Variants in KLHL29 observed in about 807,000 individuals in gnomAD.
KLHL29 encodes the protein kelch like family member 29.
In KLHL29, 21 loss-of-function variants were observed where a neutral mutation model predicts 80.4. The observed-to-expected ratio is 0.26, with a 90% confidence interval of 0.19 to 0.38. The LOEUF (loss-of-function observed/expected upper bound fraction) is 0.38. Among genes scored for constraint, KLHL29 ranks in the 10% least tolerant of loss-of-function variants. KLHL29 has a pLI of 1.00. For synonymous variants in KLHL29, 511 were observed against 526.8 expected (o/e 0.97, Z 0.41); for missense variants, 867 against 1,223.9 (o/e 0.71, Z 4.35).
chr2:23,421,511 G>A (rs1051015758), intron 1 of KLHL29, among the ~76,000 whole-genome samples: 1 of 150,886 alleles, frequency 6.6e-6, no homozygotes, highest in Non-Finnish European at 1.5e-5. Flanking sequence ...CAGGAAGGAA[G>A]GTTTAGACAA....
At chr2:23,436,280 TTGTG>T (rs57931176) in intron 1 of KLHL29, among the ~76,000 whole-genome samples, 6,112 of 136,896 alleles carry the variant, frequency 0.045, 144 homozygotes, top group East Asian at 0.057. Context: ...CCAATCAGCT[TTGTG>T]TGTGTGTGTG....
At chr2:23,662,005 GTGAA>G (rs941681160) in intron 5 of KLHL29, among the ~76,000 whole-genome samples, 1 of 152,196 alleles carries the variant, frequency 6.6e-6, no homozygotes, top group African/African-American at 2.4e-5. Flanking sequence ...GAGTGTATGA[GTGAA>G]TGAATAGCTC....
rs1003351915 is a variant in KLHL29, at chr2:23,438,437, G to A, written c.-153-37123G>A. Among the ~76,000 whole-genome samples, 105 of 127,730 alleles carry A rather than the reference G, an allele frequency of 8.2e-4. 6 individuals carry two copies. The highest frequency in any genetic ancestry group is 7.7e-3 in the Middle Eastern group (2 of 260). The allele number at this position is 127,730 out of a possible 152,430, so 83.8% of individuals were successfully genotyped here. ...GTTTTTGCCCATTCGGTATGATATC[G>A]GCTGTGGGTTTGTCATAGATAGCTC... On this transcript the variant is annotated intron_variant, in intron 1 of 13. Transcript: ENST00000486442.
chr2:23,534,122 A>G (rs959100047), intron 2 of KLHL29, among the ~76,000 whole-genome samples: 2 of 152,122 alleles, frequency 1.3e-5, no homozygotes, highest in African/African-American at 4.8e-5. Context: ...CATCCCGCTG[A>G]GCAGCACCCA....
intron 1 of KLHL29, among the ~76,000 whole-genome samples, chr2:23,443,054 C>T (rs941634754): frequency 2.0e-5 from 3 of 152,162 alleles, no homozygotes; most frequent in Non-Finnish European, 4.4e-5. Flanking sequence ...GTAAGCTCCC[C>T]TTTCCCTTCC....
intron 2 of KLHL29, among the ~76,000 whole-genome samples, chr2:23,510,977 ATGC>A (rs1431331565): frequency 1.3e-5 from 2 of 152,212 alleles, no homozygotes; most frequent in Non-Finnish European, 2.9e-5. Flanking sequence ...TCTGCTGTGG[ATGC>A]TGTATTAGTT....
At chr2:23,476,883 A>G (rs1664656052) in intron 2 of KLHL29, among the ~76,000 whole-genome samples, 1 of 152,236 alleles carries the variant, frequency 6.6e-6, no homozygotes, top group Non-Finnish European at 1.5e-5. Flanking sequence ...GATCTGCTTT[A>G]GCCCCCACCA....
chr2:23,564,245 C>G lies in KLHL29; in HGVS notation c.285+1764C>G, dbSNP rs150405610. Reference sequence around the variant, plus strand: ...ACAGGGCTGTGCTGCCTGCAGAGCTCCCGCTTTGCTCCAGAGTGGCTTGAT... The same window carrying G: ...ACAGGGCTGTGCTGCCTGCAGAGCTGCCGCTTTGCTCCAGAGTGGCTTGAT... On this transcript the variant is annotated intron_variant, in intron 3 of 13. Coordinates refer to ENST00000486442, the MANE Select transcript of KLHL29 (RefSeq NM_052920.2). 7.4e-4 allele frequency among the ~76,000 whole-genome samples: 113 copies of G among 152,344 alleles called. 1 individual carries two copies. Among genetic ancestry groups the G allele is most frequent in the African/African-American group, 2.6e-3 (109 of 41,576 alleles).
intron 2 of KLHL29, among the ~76,000 whole-genome samples, chr2:23,511,194 C>A (rs893094437): frequency 1.3e-5 from 2 of 152,092 alleles, no homozygotes; most frequent in African/African-American, 4.8e-5. Flanking sequence ...GAGTCAAAAT[C>A]TTTAGGAGTG....
At chr2:23,593,253 A>G (rs1271467675) in intron 3 of KLHL29, among the ~76,000 whole-genome samples, 1 of 152,198 alleles carries the variant, frequency 6.6e-6, no homozygotes, top group Admixed American at 6.5e-5. Flanking sequence ...CTCAAAAATG[A>G]AGAAAATCAG....
intron 2 of KLHL29, among the ~76,000 whole-genome samples, chr2:23,518,568 C>T (rs1036638366): frequency 2.0e-5 from 3 of 152,194 alleles, no homozygotes; most frequent in Admixed American, 6.5e-5. Flanking sequence ...CCCCAGCTGT[C>T]CCCTCCGGGA....
chr2:23,529,230 C>T (rs1040396022), intron 2 of KLHL29, among the ~76,000 whole-genome samples: 2 of 152,218 alleles, frequency 1.3e-5, no homozygotes, highest in Non-Finnish European at 2.9e-5. Flanking sequence ...CAGCCTCAGC[C>T]TCCCAAGTAG....
intron 1 of KLHL29, among the ~76,000 whole-genome samples, chr2:23,441,940 A>G (rs959640310): frequency 6.6e-6 from 1 of 152,168 alleles, no homozygotes; most frequent in Non-Finnish European, 1.5e-5. Context: ...GAGCAGCATA[A>G]TGGTCTCCCA....
intron 3 of KLHL29, among the ~76,000 whole-genome samples, chr2:23,608,663 G>T (rs1668786012): frequency 6.6e-6 from 1 of 152,170 alleles, no homozygotes; most frequent in Non-Finnish European, 1.5e-5. Flanking sequence ...TTTTCTAAGT[G>T]CTGTGGGCCC....
intron 13 of KLHL29, among the ~76,000 whole-genome samples, chr2:23,704,672 C>T (rs1672604443): frequency 6.6e-6 from 1 of 152,082 alleles, no homozygotes; most frequent in South Asian, 2.1e-4. Context: ...GAAGCTGAGG[C>T]AGGAGAATCG....
rs11367628 is a variant in KLHL29, at chr2:23,597,296, C to T, written c.285+34815C>T. On this transcript the variant is annotated intron_variant, in intron 3 of 13. Coordinates refer to ENST00000486442, the MANE Select transcript of KLHL29 (RefSeq NM_052920.2). ...GCTCTCAATCTATCTCTCTCTCTCT[C>T]ATATATATATATATGTGTGTGTGTG... 6.9e-3 allele frequency among the ~76,000 whole-genome samples: 410 copies of T among 59,450 alleles called. 4 individuals are homozygous for T. The highest frequency in any genetic ancestry group is 9.8e-3 in the Middle Eastern group (1 of 102). The allele number at this position is 59,450 out of a possible 152,430, so 39.0% of individuals were successfully genotyped here.
intron 13 of KLHL29, 46 bp downstream of exon 13, chr2:23,703,909 G>T: frequency 6.6e-7 from 1 of 1,508,830 alleles, no homozygotes; most frequent in South Asian, 1.3e-5. Context: ...GGAGGAGTGG[G>T]AGGAGGAGGG....
chr2:23,473,404 A>G (rs879555809), intron 1 of KLHL29, among the ~76,000 whole-genome samples: 1 of 152,144 alleles, frequency 6.6e-6, no homozygotes, highest in Admixed American at 6.5e-5. Context: ...ACAGTCTATA[A>G]TAGCCAATGG....
chr2:23,620,407 A>G (rs971809500), intron 3 of KLHL29, among the ~76,000 whole-genome samples: 6 of 152,206 alleles, frequency 3.9e-5, no homozygotes, highest in Non-Finnish European at 7.4e-5. Flanking sequence ...CTTGGAGGTC[A>G]GGAGAAGGCA....
Sources: gnomAD v4.1 joint callset for allele counts (sites outside exome capture counted in the v4.1 genomes callset) on GRCh38, gnomAD v4.1.1 for gene constraint, MANE v1.5 for transcripts, NCBI Gene and HGNC (gene_info 2026-07-23, HGNC 2026-07-21) for gene names.